AASDH: variants seen among roughly 807,000 people sequenced by gnomAD.
The protein encoded by AASDH is aminoadipate-semialdehyde dehydrogenase.
AASDH carries 81 observed loss-of-function variants against 102.3 expected under a neutral mutation model. The observed-to-expected ratio is 0.79, with a 90% CI of 0.66 to 0.95. The LOEUF (loss-of-function observed/expected upper bound fraction) is 0.95, where lower values mean the gene tolerates loss of function less well. Among genes scored for constraint, AASDH ranks in the 40% least tolerant of loss-of-function variants. The probability of loss-of-function intolerance (pLI) is 0.00; values close to 1 mark genes in which losing one functional copy is unlikely to be tolerated. For synonymous variants in AASDH, 398 were observed against 454.0 expected, an observed-to-expected ratio of 0.88 and a Z score of 1.57; for missense variants, 1,203 against 1,266.2, an observed-to-expected ratio of 0.95 and a Z score of 0.76.
chr4:56,341,389 C>T (rs935599965), intron 14 of AASDH, among the ~76,000 whole-genome samples: 138 of 92,366 alleles, frequency 1.5e-3, no homozygotes, highest in African/African-American at 1.8e-3. Flanking sequence ...AGACTTTTAT[C>T]TTTTTTTTTT....
In AASDH at chr4:56,354,088, C is replaced by T; in HGVS notation, c.1334G>A (p.Ser445Asn). 2 of 1,613,268 alleles carry T rather than the reference C, an allele frequency of 1.2e-6. No homozygotes were observed. Among genetic ancestry groups the T allele is most frequent in the Non-Finnish European group, 1.7e-6 (2 of 1,179,552 alleles). ...GEIFFLGRKD[S>N]QIKRHGKRLN... ...ACGTTTGCCATGACGTTTGATCTGA[C>T]TGTCTTTTCGTCCCAAAAAAAAAAT... Residue 445 changes from serine to asparagine, a missense_variant, in exon 8 of 15, where the codon AGT (serine) becomes AAT (asparagine). Transcript: ENST00000205214.
Position 56,349,417 on chromosome 4 carries a change from A to G in AASDH, c.2334T>C (p.Phe778=), listed in dbSNP as rs368941784. 6 of 1,614,194 alleles carry G rather than the reference A, an allele frequency of 3.7e-6. No individual in the cohort carries two copies. Among genetic ancestry groups the G allele is most frequent in the Middle Eastern group, 1.6e-4 (1 of 6,062 alleles). ...TGTACACAGTTGTAGATGACTTATC[A>G]AAAGTGGGTATTACAACCAGCGGTG... ...DASPLVVIPT[F]DKSSTTVYIG... Residue 778 remains phenylalanine, a synonymous_variant, in exon 11 of 15, where the codon TTT becomes TTC. Transcript: ENST00000205214.
chr4:56,360,542 T>A (rs1022884046), intron 5 of AASDH, among the ~76,000 whole-genome samples: 4 of 152,228 alleles, frequency 2.6e-5, no homozygotes, highest in African/African-American at 9.6e-5. Context: ...TACACAAAAT[T>A]CAGCAGTTTT....
chr4:56,374,089 G>A (rs925947367), intron 4 of AASDH, among the ~76,000 whole-genome samples: 1 of 152,052 alleles, frequency 6.6e-6, no homozygotes, highest in African/African-American at 2.4e-5. Flanking sequence ...TTAAGGTAAA[G>A]ACATTTGAGG....
chr4:56,369,566 C>T (rs1055356373), intron 5 of AASDH, among the ~76,000 whole-genome samples: 5 of 152,082 alleles, frequency 3.3e-5, no homozygotes, highest in Non-Finnish European at 7.4e-5. Context: ...GTTTTTATAG[C>T]AGAAGTTTAA....
rs1418888830 is a variant in AASDH at position 56,349,609 on chromosome 4, G to C, written c.2142C>G (p.Thr714=). Reference sequence around the variant, plus strand: ...TTAAGCCTTTCAAATTTTGAATGTTGGTCTGTGAAACTGAGTCAGAAGGAC... The same window carrying C: ...TTAAGCCTTTCAAATTTTGAATGTTCGTCTGTGAAACTGAGTCAGAAGGAC... ...SACPSDSVSQ[T]NIQNLKGLNS... is the part of the protein sequence containing the mutation. The change falls in exon 11 of 15, where the codon ACC becomes ACG. Residue 714 remains threonine, a synonymous_variant. Coordinates refer to ENST00000205214, the MANE Select transcript of AASDH (RefSeq NM_181806.4). 14 of 1,614,100 alleles carry C rather than the reference G, an allele frequency of 8.7e-6. No individual in the cohort carries two copies. Among genetic ancestry groups the C allele is most frequent in the Non-Finnish European group, 1.2e-5 (14 of 1,180,012 alleles).
chr4:56,370,878 T>C (rs901768123), intron 5 of AASDH, among the ~76,000 whole-genome samples: 6 of 152,196 alleles, frequency 3.9e-5, no homozygotes, highest in African/African-American at 1.2e-4. Context: ...ATGCATATAA[T>C]ATTGCTAATT....
chr4:56,338,802 T>C lies in AASDH; in HGVS notation c.2908-11A>G, dbSNP rs773478279. On this transcript the variant is annotated splice_polypyrimidine_tract_variant and intron_variant, in intron 14 of 14. Coordinates refer to ENST00000205214, the MANE Select transcript of AASDH (RefSeq NM_181806.4). ...AGAGAACTGCCAAACCTATAACAAGTAATAAAAATAAATATAATTCATTCA... is the reference window on the plus strand; with the variant it reads ...AGAGAACTGCCAAACCTATAACAAGCAATAAAAATAAATATAATTCATTCA... 1 of 1,606,896 alleles carries C rather than the reference T, an allele frequency of 6.2e-7. No individual in the cohort carries two copies. The highest frequency in any genetic ancestry group is 8.5e-7 in the Non-Finnish European group (1 of 1,176,368).
intron 4 of AASDH, among the ~76,000 whole-genome samples, chr4:56,377,046 G>C (rs1321220520): frequency 7.1e-6 from 1 of 141,124 alleles, no homozygotes; most frequent in African/African-American, 2.6e-5. Flanking sequence ...CAGCCTGGGC[G>C]ACAGAGCGAG....
intron 14 of AASDH, among the ~76,000 whole-genome samples, chr4:56,341,702 T>C (rs979095565): frequency 3.3e-5 from 5 of 151,740 alleles, no homozygotes; most frequent in Non-Finnish European, 5.9e-5. Flanking sequence ...TGCCCAGCCA[T>C]TGGAGATTTT....
intron 1 of AASDH, among the ~76,000 whole-genome samples, chr4:56,385,246 C>T (rs1753416469): frequency 6.6e-6 from 1 of 152,098 alleles, no homozygotes; most frequent in Admixed American, 6.5e-5. Flanking sequence ...TATATAAAAA[C>T]AGTGTTTATT....
chr4:56,343,365 C>CAT (rs10562096), intron 13 of AASDH, among the ~76,000 whole-genome samples, 197 bp downstream of exon 13: 71 of 150,924 alleles, frequency 4.7e-4, no homozygotes, highest in Non-Finnish European at 6.2e-4. Flanking sequence ...CAAAAAAATA[C>CAT]ATATATATAT....
At chr4:56,371,323 C>A (rs1055503847) in intron 5 of AASDH, 128 bp downstream of exon 5, 6 of 908,904 alleles carry the variant, frequency 6.6e-6, no homozygotes, top group South Asian at 2.0e-5. Flanking sequence ...CCTGAGGAGA[C>A]GGCCCTTGAT....
Position 56,381,110 on chromosome 4 carries a change from T to A in AASDH, c.351+1367A>T, listed in dbSNP as rs1180772657. ...ATAAAGAATACCTTGACATTGACAATTAATACTGATACTCAGCTACCTTTT... is the reference window on the plus strand; with the variant it reads ...ATAAAGAATACCTTGACATTGACAAATAATACTGATACTCAGCTACCTTTT... On this transcript the variant is annotated intron_variant, in intron 3 of 14. Coordinates refer to ENST00000205214, the MANE Select transcript of AASDH (RefSeq NM_181806.4). 2.6e-5 allele frequency among the ~76,000 whole-genome samples: 4 copies of A among 152,314 alleles called. No homozygotes were observed. The South Asian group carries it at 6.2e-4, about 24-fold the overall frequency.
At chr4:56,382,692 T>C in intron 2 of AASDH, 95 bp from the exon 3 acceptor site, 1 of 1,418,514 alleles carries the variant, frequency 7.0e-7, no homozygotes, top group Non-Finnish European at 9.5e-7. Context: ...TTATTTTTTG[T>C]AGCAGCATAA....
intron 14 of AASDH, 49 bp from the exon 15 acceptor site, chr4:56,338,840 A>C: frequency 1.9e-6 from 3 of 1,539,046 alleles, no homozygotes; most frequent in Non-Finnish European, 2.6e-6. Flanking sequence ...TAATTGCTCC[A>C]ATTCTCCCTT....
Position 56,338,356 on chromosome 4 carries a change from T to C in AASDH, c.*46A>G, listed in dbSNP as rs1747104243. ...CCACATGATGTATAATGGTAAAATA[T>C]TTTCAAATATCTCACATTTGTTATA... On this transcript the variant is annotated 3_prime_UTR_variant, in exon 15 of 15. Transcript: ENST00000205214. 1 of 1,571,206 alleles carries C rather than the reference T, an allele frequency of 6.4e-7. No homozygotes were observed. The highest frequency in any genetic ancestry group is 8.6e-7 in the Non-Finnish European group (1 of 1,157,320).
At chr4:56,361,599 GA>G (rs1750305437) in intron 5 of AASDH, among the ~76,000 whole-genome samples, 1 of 152,006 alleles carries the variant, frequency 6.6e-6, no homozygotes, top group Non-Finnish European at 1.5e-5. Context: ...GTTTTTTAAG[GA>G]AAAACTCAGG....
In AASDH at chr4:56,345,110, T is replaced by G. The variant is rs769884411; in HGVS notation, c.2652+17A>C. ...GCATGCGCCACCATGCCCAGCTAATTTGAGGTCAATCCTTACATAAATATC... is the reference window on the plus strand; with the variant it reads ...GCATGCGCCACCATGCCCAGCTAATGTGAGGTCAATCCTTACATAAATATC... On this transcript the variant is annotated intron_variant, in intron 12 of 14. Coordinates refer to ENST00000205214, the MANE Select transcript of AASDH (RefSeq NM_181806.4). 55 of 1,612,446 alleles carry G rather than the reference T, an allele frequency of 3.4e-5. No homozygotes were observed. Among genetic ancestry groups the G allele is most frequent in the Non-Finnish European group, 2.3e-5 (27 of 1,178,908 alleles).
Sources: allele counts gnomAD v4.1 joint callset (sites outside exome capture counted in the v4.1 genomes callset), GRCh38; gene constraint gnomAD v4.1.1; transcripts MANE v1.5; gene names NCBI Gene and HGNC (gene_info 2026-07-23, HGNC 2026-07-21).